Variants in CTNND2 observed in about 807,000 individuals in gnomAD.
The protein encoded by CTNND2 is catenin delta-2.
In CTNND2, 22 loss-of-function variants were observed where a neutral mutation model predicts 144.4. That is an observed-to-expected ratio of 0.15 (90% confidence interval 0.11 to 0.22). The LOEUF (loss-of-function observed/expected upper bound fraction) is 0.22, where lower values mean the gene tolerates loss of function less well. CTNND2 is among the 10% of genes least tolerant of loss of function. The probability of loss-of-function intolerance (pLI) is 1.00; values close to 1 mark genes in which losing one functional copy is unlikely to be tolerated. For synonymous variants in CTNND2, 751 were observed against 695.6 expected, an observed-to-expected ratio of 1.08 and a Z score of -1.25; for missense variants, 1,353 against 1,618.8, an observed-to-expected ratio of 0.84 and a Z score of 2.82.
chr5:11,435,488 A>T (rs1259784414), intron 3 of CTNND2, among the ~76,000 whole-genome samples: 1 of 152,100 alleles, frequency 6.6e-6, no homozygotes, highest in Non-Finnish European at 1.5e-5. Flanking sequence ...CAGGCTTTAC[A>T]AGCCCTAGGT....
At chr5:11,698,493 T>C (rs1438671228) in intron 2 of CTNND2, among the ~76,000 whole-genome samples, 1 of 152,030 alleles carries the variant, frequency 6.6e-6, no homozygotes, top group East Asian at 1.9e-4. Flanking sequence ...TTCACCATGT[T>C]GGCCAGGATG....
intron 3 of CTNND2, among the ~76,000 whole-genome samples, chr5:11,446,165 G>A (rs1237278124): frequency 1.3e-5 from 2 of 152,120 alleles, no homozygotes; most frequent in Non-Finnish European, 2.9e-5. Context: ...TAGAGATGGG[G>A]TTTCACCATA....
At chr5:11,633,793 T>G (rs1781537330) in intron 2 of CTNND2, among the ~76,000 whole-genome samples, 1 of 150,066 alleles carries the variant, frequency 6.7e-6, no homozygotes, top group East Asian at 2.0e-4. Flanking sequence ...AAAAAAAAAT[T>G]AGTACAACTT....
At chr5:11,045,348 C>T (rs189739347) in intron 16 of CTNND2, among the ~76,000 whole-genome samples, 191 of 151,828 alleles carry the variant, frequency 1.3e-3, no homozygotes, top group African/African-American at 4.4e-3. Context: ...AGAGATCGTA[C>T]GGGGAGAGAA....
chr5:11,372,763 G>A (rs746828886), intron 7 of CTNND2, among the ~76,000 whole-genome samples: 7 of 152,202 alleles, frequency 4.6e-5, no homozygotes, highest in Non-Finnish European at 8.8e-5. Context: ...TGGGTTTGAG[G>A]AAGGGCCTGA....
intron 3 of CTNND2, among the ~76,000 whole-genome samples, chr5:11,469,432 T>G (rs1045522167): frequency 6.6e-6 from 1 of 152,088 alleles, no homozygotes; most frequent in East Asian, 1.9e-4. Context: ...CCACAATCCT[T>G]TAAAGTTACT....
chr5:11,485,337 G>C (rs1768694641), intron 3 of CTNND2, among the ~76,000 whole-genome samples: 1 of 148,334 alleles, frequency 6.7e-6, no homozygotes, highest in Non-Finnish European at 1.5e-5. Flanking sequence ...GAGAGAGAGA[G>C]ACAGAGACTG....
chr5:11,034,293 T>C (rs867824400), intron 16 of CTNND2, among the ~76,000 whole-genome samples: 13 of 152,234 alleles, frequency 8.5e-5, no homozygotes, highest in Admixed American at 3.3e-4. Context: ...CTAATATTAT[T>C]ATTTAAACAT....
intron 11 of CTNND2, among the ~76,000 whole-genome samples, chr5:11,182,693 T>C (rs1037234190): frequency 1.3e-5 from 2 of 152,118 alleles, no homozygotes; most frequent in Admixed American, 6.6e-5. Context: ...CAACAGTCAA[T>C]GGGGAGAAGC....
chr5:11,326,577 G>T (rs1018342185), intron 9 of CTNND2, among the ~76,000 whole-genome samples: 3 of 152,148 alleles, frequency 2.0e-5, no homozygotes, highest in African/African-American at 4.8e-5. Flanking sequence ...AACAGAGTTT[G>T]CAGTACTGCT....
At chr5:11,388,407 T>G (rs1011861641) in intron 6 of CTNND2, among the ~76,000 whole-genome samples, 4 of 152,208 alleles carry the variant, frequency 2.6e-5, no homozygotes, top group African/African-American at 4.8e-5. Context: ...GCTAATCAGC[T>G]GAGGAACTTC....
intron 1 of CTNND2, among the ~76,000 whole-genome samples, chr5:11,877,192 CG>C (rs1245723544): frequency 6.6e-6 from 1 of 152,018 alleles, no homozygotes; most frequent in Non-Finnish European, 1.5e-5. Flanking sequence ...TGAAATGTAT[CG>C]TTTTTAAATG....
intron 2 of CTNND2, among the ~76,000 whole-genome samples, chr5:11,729,009 G>A (rs943634231): frequency 1.3e-5 from 2 of 152,082 alleles, no homozygotes; most frequent in Admixed American, 6.5e-5. Context: ...AAGATTGGTT[G>A]TTTGCATCAG....
chr5:11,678,162 T>A (rs1335310416), intron 2 of CTNND2, among the ~76,000 whole-genome samples: 1 of 152,194 alleles, frequency 6.6e-6, no homozygotes, highest in Non-Finnish European at 1.5e-5. Context: ...CCCTTCACTA[T>A]CAGGAAAATA....
At chr5:11,490,532 C>T (rs1009780110) in intron 3 of CTNND2, among the ~76,000 whole-genome samples, 2 of 128,728 alleles carry the variant, frequency 1.6e-5, no homozygotes, top group African/African-American at 5.4e-5. Flanking sequence ...TATCTCAAGA[C>T]ATTTCATTTG....
At chr5:11,591,137 C>T (rs1197555049) in intron 2 of CTNND2, among the ~76,000 whole-genome samples, 2 of 152,188 alleles carry the variant, frequency 1.3e-5, no homozygotes, top group Admixed American at 6.5e-5. Context: ...CCCTCAGAGG[C>T]ATTTTTCACC....
chr5:11,227,239 C>T (rs151183594), intron 10 of CTNND2, among the ~76,000 whole-genome samples: 86 of 152,328 alleles, frequency 5.6e-4, no homozygotes, highest in African/African-American at 1.9e-3. Context: ...CCTTTGCCAC[C>T]TGCTCTGTGC....
chr5:11,547,010 A>C (rs955294086), intron 3 of CTNND2, among the ~76,000 whole-genome samples: 1 of 152,146 alleles, frequency 6.6e-6, no homozygotes, highest in African/African-American at 2.4e-5. Context: ...CAGTGGCTCA[A>C]ACCTGTACAG....
At chr5:10,993,338 TCA>T (rs898801257) in intron 18 of CTNND2, among the ~76,000 whole-genome samples, 3 of 152,164 alleles carry the variant, frequency 2.0e-5, no homozygotes, top group African/African-American at 7.2e-5. Flanking sequence ...CATAAATATA[TCA>T]CAGATTATTT....
Sources: gnomAD v4.1 joint callset for allele counts (sites outside exome capture counted in the v4.1 genomes callset) on GRCh38, gnomAD v4.1.1 for gene constraint, MANE v1.5 for transcripts, NCBI Gene and HGNC (gene_info 2026-07-23, HGNC 2026-07-21) for gene names.